Variants in RRH observed in about 807,000 individuals in gnomAD.
RRH encodes the protein visual pigment-like receptor peropsin.
RRH carries 36 observed loss-of-function variants against 33.1 expected under a neutral mutation model. That is an observed-to-expected ratio of 1.09 (90% CI 0.83 to 1.44). The LOEUF is 1.44. RRH is among the 40% of genes most tolerant of loss of function. RRH has a pLI of 0.00. For synonymous variants in RRH, 124 were observed against 140.2 expected (o/e 0.88, Z 0.82); for missense variants, 393 against 420.2 (o/e 0.94, Z 0.57).
intron 2 of RRH, among the ~76,000 whole-genome samples, chr4:109,833,942 A>C (rs940817754): frequency 3.3e-5 from 5 of 152,216 alleles, no homozygotes; most frequent in African/African-American, 1.2e-4. Context: ...CAGTTTTGTT[A>C]AATCTTAATG....
intron 5 of RRH, 85 bp from the exon 6 acceptor site, chr4:109,842,384 C>G: frequency 7.9e-7 from 1 of 1,263,318 alleles, no homozygotes; most frequent in Admixed American, 1.9e-5. Flanking sequence ...AAATTCCAAC[C>G]CAGATAGATT....
intron 5 of RRH, among the ~76,000 whole-genome samples, chr4:109,840,811 C>T (rs189125735): frequency 1.5e-4 from 23 of 151,458 alleles, no homozygotes; most frequent in African/African-American, 5.3e-4. Context: ...ATTGTCCCTT[C>T]ATACTTAAGA....
intron 4 of RRH, among the ~76,000 whole-genome samples, chr4:109,836,880 C>A (rs1560584910): frequency 8.6e-6 from 1 of 115,814 alleles, no homozygotes. Context: ...CATATTGAGA[C>A]CCTGTCTCTA....
Position 109,844,103 on chromosome 4 carries a change from C to A in RRH, c.920C>A (p.Ala307Asp), listed in dbSNP as rs770455855. The change falls in exon 7 of 7, where the codon GCC becomes GAC. Residue 307 changes from alanine to aspartate, a missense_variant. By Grantham distance (126) the Ala-to-Asp change is moderately radical. Transcript: ENST00000317735. ...CGTAGGTTTCGGAGGGCAATGCTTG[C>A]CATGTTCAAATGTCAGACTCACCAA... ...ANKKFRRAML[A>D]MFKCQTHQTM... 1 of 1,613,210 alleles carries A rather than the reference C, an allele frequency of 6.2e-7. No homozygotes were observed. The highest frequency in any genetic ancestry group is 1.3e-5 in the African/African-American group (1 of 75,016).
intron 5 of RRH, among the ~76,000 whole-genome samples, chr4:109,842,088 A>G (rs1733995414): frequency 6.6e-6 from 1 of 152,176 alleles, no homozygotes; most frequent in South Asian, 2.1e-4. Context: ...TAATAATAAT[A>G]GCCATGCCAG....
chr4:109,832,717 C>T (rs773614998), intron 1 of RRH, among the ~76,000 whole-genome samples: 2 of 151,848 alleles, frequency 1.3e-5, no homozygotes, highest in African/African-American at 4.8e-5. Flanking sequence ...ATAATTGAAG[C>T]TTGAGAAAGG....
chr4:109,835,964 A>G (rs747774511), intron 3 of RRH, 43 bp from the exon 4 acceptor site: 14 of 1,612,154 alleles, frequency 8.7e-6, no homozygotes, highest in East Asian at 2.2e-5. Context: ...AGTGAGTCCC[A>G]TTAATGGCAA....
Position 109,842,639 on chromosome 4 carries a change from T to C in RRH, c.891T>C (p.Ala297=). ...TFYNPCIYVV[A]NKKFRRAMLA... Reference sequence around the variant, plus strand: ...ATAACCCCTGCATTTATGTGGTTGCTAATAAAAAGTAAGTAATGTCTAAAA... The same window carrying C: ...ATAACCCCTGCATTTATGTGGTTGCCAATAAAAAGTAAGTAATGTCTAAAA... Residue 297 remains alanine (A), a synonymous_variant, in exon 6 of 7, where the codon GCT becomes GCC. Transcript: ENST00000317735. 6.2e-7 allele frequency: 1 copy of C among 1,612,086 alleles called. No individual in the cohort carries two copies. Among genetic ancestry groups the C allele is most frequent in the Non-Finnish European group, 8.5e-7 (1 of 1,178,132 alleles).
intron 1 of RRH, among the ~76,000 whole-genome samples, chr4:109,829,580 A>G (rs2125891792): frequency 6.6e-6 from 1 of 152,276 alleles, no homozygotes; most frequent in East Asian, 1.9e-4. Context: ...AATACTTGCT[A>G]TATACCAAGC....
chr4:109,844,071 T>A lies in RRH; in HGVS notation c.900-12T>A, dbSNP rs780291685. 1 of 1,594,114 alleles carries A rather than the reference T, an allele frequency of 6.3e-7. No homozygotes were observed. The highest frequency in any genetic ancestry group is 8.6e-7 in the Non-Finnish European group (1 of 1,162,044). On this transcript the variant is annotated splice_polypyrimidine_tract_variant and intron_variant, in intron 6 of 6. Transcript: ENST00000317735. ...TATGGGTTAATGCCAGATTTTCCTT[T>A]TTTTATCGTAGGTTTCGGAGGGCAA...
At chr4:109,839,439 G>A (rs899982043) in intron 5 of RRH, among the ~76,000 whole-genome samples, 1 of 152,156 alleles carries the variant, frequency 6.6e-6, no homozygotes, top group African/African-American at 2.4e-5. Flanking sequence ...ACAGATAGGA[G>A]AAAAACCATT....
At chr4:109,840,726 C>T (rs1733968529) in intron 5 of RRH, among the ~76,000 whole-genome samples, 2 of 149,692 alleles carry the variant, frequency 1.3e-5, no homozygotes, top group Non-Finnish European at 3.0e-5. Context: ...TTTGTTTCCC[C>T]TGAGTTCTTG....
At chr4:109,837,743 T>C (rs1733913522) in intron 5 of RRH, 138 bp downstream of exon 5, 3 of 705,784 alleles carry the variant, frequency 4.3e-6, no homozygotes, top group Admixed American at 5.1e-5. Flanking sequence ...CTGTGTTTGC[T>C]TCCTCATTTC....
intron 6 of RRH, 135 bp downstream of exon 6, chr4:109,842,782 G>T (rs1186184522): frequency 4.0e-6 from 3 of 758,520 alleles, no homozygotes; most frequent in Non-Finnish European, 6.8e-6. Context: ...GACTGGAGCA[G>T]CATCTAGGAC....
chr4:109,828,036 A>G lies in RRH; in HGVS notation c.9A>G (p.Arg3=), dbSNP rs368058389. 36 of 1,607,244 alleles carry G rather than the reference A, an allele frequency of 2.2e-5. No individual in the cohort carries two copies. The highest frequency in any genetic ancestry group is 2.9e-5 in the Non-Finnish European group (34 of 1,174,144). ...GGTATCTTCCCTCCAAAATGCTAAG[A>G]AATAATTTAGGCAACAGTTCAGACT... ML[R]NNLGNSSDSK... is the part of the protein sequence containing the mutation. Residue 3 remains arginine (R), a synonymous_variant, in exon 1 of 7, where the codon AGA becomes AGG. Transcript: ENST00000317735.
intron 5 of RRH, among the ~76,000 whole-genome samples, chr4:109,840,660 T>G (rs1452401560): frequency 6.6e-6 from 1 of 152,138 alleles, no homozygotes; most frequent in African/African-American, 2.4e-5. Flanking sequence ...GTATATCTCC[T>G]GTTATTTCTG....
chr4:109,842,724 G>C (rs1356094388), intron 6 of RRH, 77 bp downstream of exon 6: 5 of 1,351,952 alleles, frequency 3.7e-6, no homozygotes, highest in Non-Finnish European at 5.3e-6. Context: ...TGGGAGAGAA[G>C]TGACAGAAAC....
At chr4:109,830,964 T>G (rs1325402607) in intron 1 of RRH, among the ~76,000 whole-genome samples, 1 of 152,176 alleles carries the variant, frequency 6.6e-6, no homozygotes, top group Non-Finnish European at 1.5e-5. Context: ...GAAATGGGAC[T>G]TAACTAAAAT....
chr4:109,833,282 G>A lies in RRH; in HGVS notation c.250G>A (p.Ala84Thr). Residue 84 changes from alanine to threonine, a missense_variant, in exon 2 of 7, where the codon GCC (alanine) becomes ACC (threonine). By Grantham distance (58) the Ala-to-Thr change is moderately conservative. Transcript: ENST00000317735. ...VSSIGYPMSA[A>T]SDLYGSWKFG... ...TAGCATTGGCTATCCCATGTCTGCT[G>A]CCTCAGATCTGTATGGAAGTTGGAA... is the stretch of plus-strand genomic sequence containing the variant. 1.9e-6 allele frequency: 3 copies of A among 1,614,080 alleles called. No homozygotes were observed. The highest frequency in any genetic ancestry group is 1.3e-5 in the African/African-American group (1 of 75,048).
Sources: allele counts gnomAD v4.1 joint callset (sites outside exome capture counted in the v4.1 genomes callset), GRCh38; gene constraint gnomAD v4.1.1; transcripts MANE v1.5; gene names NCBI Gene and HGNC (gene_info 2026-07-23, HGNC 2026-07-21).